The following FLOT1 variants were observed in gnomAD, a reference collection of about 807,000 sequenced individuals.
FLOT1 encodes flotillin-1.
In FLOT1, 40 loss-of-function variants were observed where a neutral mutation model predicts 58.4. The ratio of observed to expected loss-of-function variants is 0.69; its 90% confidence interval spans 0.53 to 0.89. The LOEUF is 0.89. Among genes scored for constraint, FLOT1 ranks in the 40% least tolerant of loss-of-function variants. The pLI, the probability that FLOT1 is intolerant of heterozygous loss-of-function variation, is 0.00. For missense variants in FLOT1, 423 were observed against 540.8 expected (o/e 0.78, Z 2.16); for synonymous variants, 178 against 204.2 (o/e 0.87, Z 1.09).
Position 30,740,591 on chromosome 6 carries a change from C to T in FLOT1, c.475G>A (p.Asp159Asn). The T allele has an allele frequency of 6.2e-7, 1 of 1,612,928 alleles. No individual in the cohort carries two copies. The change falls in exon 7 of 13, where the codon GAC becomes AAC. Residue 159 changes from aspartate (D) to asparagine (N), a missense_variant and splice_region_variant. Asp to Asn is a conservative substitution (Grantham distance 23). Transcript: ENST00000376389. ...GCCTTCCCCAAAGAGTGCAAATAGT[C>T]CTGTGGGAGAGATGTAGAAATTAGT... is the stretch of plus-strand genomic sequence containing the variant. ...YTLKDIHDDQDYLHSLGKART... is the reference protein window; with the variant it reads ...YTLKDIHDDQNYLHSLGKART...
At chr6:30,731,160 G>A (rs1249329291) in intron 8 of FLOT1, 60 bp from the exon 9 acceptor site, 8 of 1,495,920 alleles carry the variant, frequency 5.3e-6, no homozygotes, top group African/African-American at 1.4e-5. Context: ...GCAAGTGCCC[G>A]GGAACCAGAG....
intron 12 of FLOT1, among the ~76,000 whole-genome samples, chr6:30,728,933 C>T (rs989281602): frequency 6.6e-6 from 1 of 151,878 alleles, no homozygotes; most frequent in African/African-American, 2.4e-5. Context: ...AGGCACACAC[C>T]GCCACGCCCG....
At position 30,740,487 on chromosome 6, in the gene FLOT1, C is replaced by T. The variant is rs753695606; in HGVS notation, c.570+9G>A. The T allele has an allele frequency of 6.2e-7, 1 of 1,611,892 alleles. No individual in the cohort carries two copies. Among genetic ancestry groups the T allele is most frequent in the South Asian group, 1.1e-5 (1 of 91,036 alleles). On this transcript the variant is annotated intron_variant, in intron 7 of 12. Transcript: ENST00000376389. ...CCCTTTCCCACTAAGCAACCCCCAT[C>T]TCTCTCACCCGGATCCCAGCATCTC...
At position 30,728,127 on chromosome 6, in the gene FLOT1, T is replaced by G; in HGVS notation, c.1273A>C (p.Arg425=). ...TGAGGGCTGAAGGCTCAGGCTGTTCTCAAAGGCTTGTGATTCACCTGGCAA... is the reference window on the plus strand; with the variant it reads ...TGAGGGCTGAAGGCTCAGGCTGTTCGCAAAGGCTTGTGATTCACCTGGCAA... ...SISQVNHKPL[R]TA The change falls in exon 13 of 13, where the codon AGA becomes CGA. Residue 425 remains arginine (R), a synonymous_variant. Transcript: ENST00000376389. 6.2e-7 allele frequency: 1 copy of G among 1,613,036 alleles called. No individual in the cohort carries two copies. The highest frequency in any genetic ancestry group is 8.5e-7 in the Non-Finnish European group (1 of 1,180,004).
rs1305756010 is a variant in FLOT1, at chr6:30,737,199, G to A, written c.723+2959C>T. Reference sequence around the variant, plus strand: ...GCCACGTATGACTGACTGACTGACTGACTGTCTGTCGTCCGTCCGTCCGTC... The same window carrying A: ...GCCACGTATGACTGACTGACTGACTAACTGTCTGTCGTCCGTCCGTCCGTC... On this transcript the variant is annotated intron_variant, in intron 8 of 12. Coordinates refer to ENST00000376389, the MANE Select transcript of FLOT1 (RefSeq NM_005803.4). This position sits in a 1 kb window ranked among gnomAD's most constrained non-coding sequence, Gnocchi z 4.4. Among the ~76,000 whole-genome samples the A allele has an allele frequency of 3.0e-5, 4 of 131,272 alleles. No individual in the cohort carries two copies. The highest frequency in any genetic ancestry group is 1.4e-4 in the African/African-American group (4 of 29,210). The allele number at this position is 131,272 out of a possible 152,430, so 86.1% of individuals were successfully genotyped here.
chr6:30,734,469 T>A (rs988175679), intron 8 of FLOT1, among the ~76,000 whole-genome samples: 38 of 151,346 alleles, frequency 2.5e-4, no homozygotes, highest in African/African-American at 8.0e-4. Context: ...CCACCACGCC[T>A]GGCTAATTTT....
At chr6:30,740,658 G>A in intron 6 of FLOT1, 21 bp downstream of exon 6, 2 of 1,612,940 alleles carry the variant, frequency 1.2e-6, no homozygotes, top group Non-Finnish European at 1.7e-6. Flanking sequence ...AAGTGGGGAA[G>A]GATCAATTGC....
rs377117437 is a variant in FLOT1 at position 30,737,302 on chromosome 6, C to A, written c.723+2856G>T. Among the ~76,000 whole-genome samples, 12 of 151,044 alleles carry A rather than the reference C, an allele frequency of 7.9e-5. No homozygotes were observed. Among genetic ancestry groups the A allele is most frequent in the Non-Finnish European group, 1.3e-4 (9 of 67,734 alleles). Reference sequence around the variant, plus strand: ...TATCTTAGAAGGAGTCTCGCTCTGTCGCCCAGGCTGGAGTGCGGTGGCGCA... The same window carrying A: ...TATCTTAGAAGGAGTCTCGCTCTGTAGCCCAGGCTGGAGTGCGGTGGCGCA... On this transcript the variant is annotated intron_variant, in intron 8 of 12. Coordinates refer to ENST00000376389, the MANE Select transcript of FLOT1 (RefSeq NM_005803.4). The surrounding 1 kb of genome is among the most constrained non-coding windows in gnomAD (Gnocchi z 4.4).
In FLOT1 at chr6:30,741,773, T is replaced by C; in HGVS notation, c.119+19A>G. ...AGAGAAAACGGAGGTCCCCCTTCCCTGGTTCCCTTCTTGCCTACCTCTGGA... is the reference window on the plus strand; with the variant it reads ...AGAGAAAACGGAGGTCCCCCTTCCCCGGTTCCCTTCTTGCCTACCTCTGGA... On this transcript the variant is annotated intron_variant, in intron 3 of 12. Transcript: ENST00000376389. This position sits in a 1 kb window ranked among gnomAD's most constrained non-coding sequence, Gnocchi z 5.9. 6.2e-7 allele frequency: 1 copy of C among 1,612,622 alleles called. No individual in the cohort carries two copies. The highest frequency in any genetic ancestry group is 8.5e-7 in the Non-Finnish European group (1 of 1,179,598).
At position 30,730,570 on chromosome 6, in the gene FLOT1, G is replaced by A. The variant is rs1310977567; in HGVS notation, c.952-5C>T. The A allele has an allele frequency of 1.2e-6, 2 of 1,612,868 alleles. No homozygotes were observed. The highest frequency in any genetic ancestry group is 2.2e-5 in the East Asian group (1 of 44,858). On this transcript the variant is annotated splice_region_variant and splice_polypyrimidine_tract_variant and intron_variant, in intron 10 of 12. Coordinates refer to ENST00000376389, the MANE Select transcript of FLOT1 (RefSeq NM_005803.4). ...GGCCTCAGCTTCCCCACGCATCTGA[G>A]GGTTAAGGATGCTTGTGAGATTGAC...
rs1211890803 is a variant in FLOT1, at chr6:30,740,801, G to A, written c.355-3C>T. The stretch of plus-strand genomic sequence containing the variant: ...TTCTGCCTGTCCTTATAGATCTCCT[G>A]TGATAACAGGATGGTGGGGAGAAGG... On this transcript the variant is annotated splice_polypyrimidine_tract_variant and splice_region_variant and intron_variant, in intron 5 of 12. Transcript: ENST00000376389. The A allele has an allele frequency of 1.3e-6, 2 of 1,574,518 alleles. No individual in the cohort carries two copies. Among genetic ancestry groups the A allele is most frequent in the Non-Finnish European group, 1.7e-6 (2 of 1,148,176 alleles).
chr6:30,739,065 C>G (rs534047661), intron 8 of FLOT1, among the ~76,000 whole-genome samples: 1 of 152,360 alleles, frequency 6.6e-6, no homozygotes, highest in South Asian at 2.1e-4. Context: ...AACTATACTT[C>G]CTGGCAATAT....
rs1777151242 is a variant in FLOT1, at chr6:30,731,054, T to G, written c.770A>C (p.Gln257Pro). Reference sequence around the variant, plus strand: ...CACCTGCTGGGCCCGCTCCACCACCTGCACCTGCACCCGCTGCTCCTCAAT... The same window carrying G: ...CACCTGCTGGGCCCGCTCCACCACCGGCACCTGCACCCGCTGCTCCTCAAT... ...QQIEEQRVQV[Q>P]VVERAQQVAV... Residue 257 changes from glutamine to proline, a missense_variant, in exon 9 of 13, where the codon CAG becomes CCG. This residue lies in a region of FLOT1 where 137 missense variants were observed against 194.6 expected (regional missense o/e 0.70). Coordinates refer to ENST00000376389, the MANE Select transcript of FLOT1 (RefSeq NM_005803.4). The G allele has an allele frequency of 6.2e-7, 1 of 1,610,796 alleles. No homozygotes were observed. The highest frequency in any genetic ancestry group is 8.5e-7 in the Non-Finnish European group (1 of 1,179,806).
chr6:30,739,348 T>C (rs1359907152), intron 8 of FLOT1, among the ~76,000 whole-genome samples: 3 of 152,040 alleles, frequency 2.0e-5, no homozygotes, highest in Non-Finnish European at 4.4e-5. Flanking sequence ...TTATTGATCA[T>C]ATCCCTTCTT....
Position 30,727,824 on chromosome 6 carries a change from A to G in FLOT1, c.*292T>C. 3.6e-6 allele frequency: 2 copies of G among 557,668 alleles called. No homozygotes were observed. Among genetic ancestry groups the G allele is most frequent in the Non-Finnish European group, 6.4e-6 (2 of 311,380 alleles). 34.5% of individuals were successfully genotyped at this position (557,668 alleles called of 1,614,324 possible). On this transcript the variant is annotated 3_prime_UTR_variant, in exon 13 of 13. Coordinates refer to ENST00000376389, the MANE Select transcript of FLOT1 (RefSeq NM_005803.4). ...CTTGGTCAGGAAAATATTCTAGACA[A>G]CAGGCTCAAACAGTCTGATTTAATT...
rs564988180 is a variant in FLOT1 at position 30,742,292 on chromosome 6, C to T, written c.-14-89G>A. On this transcript the variant is annotated intron_variant, in intron 1 of 12. Coordinates refer to ENST00000376389, the MANE Select transcript of FLOT1 (RefSeq NM_005803.4). This position sits in a 1 kb window ranked among gnomAD's most constrained non-coding sequence, Gnocchi z 5.2. ...CCATCCTTTCCCTTTCCCGTCAGGC[C>T]CTCCCAGTCTGCATCCGCCACGGCC... 5.2e-6 allele frequency: 6 copies of T among 1,146,588 alleles called. No individual in the cohort carries two copies. In the Admixed American group the frequency reaches 1.0e-4, roughly 20 times the overall value. The allele number at this position is 1,146,588 out of a possible 1,614,324, so 71.0% of individuals were successfully genotyped here. A position where few individuals can be genotyped will look rare whatever the true frequency, so the allele number is the denominator to read the frequency against.
intron 8 of FLOT1, among the ~76,000 whole-genome samples, chr6:30,734,176 T>C (rs1777406548): frequency 6.6e-6 from 1 of 152,092 alleles, no homozygotes; most frequent in African/African-American, 2.4e-5. Flanking sequence ...AGTGTTATGT[T>C]TCAATGTATA....
chr6:30,739,749 C>T (rs146441167), intron 8 of FLOT1, among the ~76,000 whole-genome samples: 133 of 152,054 alleles, frequency 8.7e-4, no homozygotes, highest in African/African-American at 3.0e-3. Context: ...CTGCAACCTG[C>T]GCATCCTGGC....
Position 30,742,179 on chromosome 6 carries a change from G to C in FLOT1, c.11C>G (p.Thr4Ser). The C allele has an allele frequency of 6.2e-7, 1 of 1,613,018 alleles. No individual in the cohort carries two copies. Among genetic ancestry groups the C allele is most frequent in the Non-Finnish European group, 8.5e-7 (1 of 1,180,016 alleles). The change falls in exon 2 of 13, where the codon ACT becomes AGT. Residue 4 changes from threonine to serine, a missense_variant. By Grantham distance (58) the Thr-to-Ser change is moderately conservative. Around this residue, in one of 6 missense-constraint regions of FLOT1, gnomAD observed 91 missense variants for 118.3 expected, o/e 0.77. Transcript: ENST00000376389. This position sits in a 1 kb window ranked among gnomAD's most constrained non-coding sequence, Gnocchi z 5.2. Reference sequence around the variant, plus strand: ...CACCATGGCCTCATTTGGGCCACAAGTGAAAAACATGGTTCAGGCTGGAGC... The same window carrying C: ...CACCATGGCCTCATTTGGGCCACAACTGAAAAACATGGTTCAGGCTGGAGC... MFFTCGPNEAMVVS... is the reference protein window; with the variant it reads MFFSCGPNEAMVVS...
Sources: allele counts gnomAD v4.1 joint callset (sites outside exome capture counted in the v4.1 genomes callset), GRCh38; gene constraint gnomAD v4.1.1; regional missense constraint gnomAD v4.1.1; non-coding constraint Gnocchi (gnomAD v3.1); transcripts MANE v1.5; gene names NCBI Gene and HGNC (gene_info 2026-07-23, HGNC 2026-07-21).